The following CEP162 variants were observed in gnomAD, a reference collection of about 807,000 sequenced individuals.
CEP162 encodes the protein centrosomal protein 162.
In CEP162, 141 loss-of-function variants were observed where a neutral mutation model predicts 169.2. The observed-to-expected ratio is 0.83, with a 90% confidence interval of 0.73 to 0.96. CEP162 has a LOEUF of 0.96. Ranked by LOEUF, CEP162 falls within the 40% of genes least tolerant of loss-of-function variation. CEP162 has a pLI of 0.00. For synonymous variants in CEP162, 540 were observed against 526.4 expected (o/e 1.03, Z -0.35); for missense variants, 1,600 against 1,587.2 (o/e 1.01, Z -0.14).
Position 84,161,848 on chromosome 6 carries a change from C to T in CEP162, c.2574G>A (p.Leu858=). ...CAGCATACCACTGTAATCTTTTTTG[C>T]AGACGACTGATTTCTTGTTTATGTG... The part of the protein sequence containing the change: ...EETHKQEISR[L]QKRLQWYAEN... Residue 858 remains leucine, a synonymous_variant, in exon 20 of 27, where the codon CTG becomes CTA. Coordinates refer to ENST00000403245, the MANE Select transcript of CEP162 (RefSeq NM_014895.4). 6.3e-7 allele frequency: 1 copy of T among 1,586,868 alleles called. No individual in the cohort carries two copies. Among genetic ancestry groups the T allele is most frequent in the Non-Finnish European group, 8.6e-7 (1 of 1,162,158 alleles).
intron 3 of CEP162, among the ~76,000 whole-genome samples, chr6:84,220,526 G>A (rs1359353238): frequency 6.6e-6 from 1 of 152,180 alleles, no homozygotes; most frequent in Non-Finnish European, 1.5e-5. Flanking sequence ...TCAGAAAGCC[G>A]AGGTGGGAAG....
chr6:84,157,464 G>C (rs2099523682), intron 21 of CEP162, among the ~76,000 whole-genome samples: 1 of 152,114 alleles, frequency 6.6e-6, no homozygotes, highest in African/African-American at 2.4e-5. Flanking sequence ...TTGAGGTCAG[G>C]AGTTCCAGAC....
intron 2 of CEP162, among the ~76,000 whole-genome samples, chr6:84,225,918 A>G (rs952548990): frequency 3.3e-5 from 5 of 152,192 alleles, no homozygotes; most frequent in African/African-American, 1.2e-4. Flanking sequence ...TGAGCTTGCA[A>G]TGTCTGGGAA....
rs117914964 is a variant in CEP162 at position 84,136,231 on chromosome 6, G to A, written c.3871-9719C>T. Among the ~76,000 whole-genome samples, 3 of 151,502 alleles carry A rather than the reference G, an allele frequency of 2.0e-5. No homozygotes were observed. In the East Asian group the frequency reaches 5.8e-4, roughly 29 times the overall value. On this transcript the variant is annotated intron_variant, in intron 25 of 26. Coordinates refer to ENST00000403245, the MANE Select transcript of CEP162 (RefSeq NM_014895.4). Reference sequence around the variant, plus strand: ...TTTTCTTGGCAGTGATTGGTTTAGAGGTGGGCACATGTCTTAGTCTGTTTT... The same window carrying A: ...TTTTCTTGGCAGTGATTGGTTTAGAAGTGGGCACATGTCTTAGTCTGTTTT...
At chr6:84,226,255 CTG>C (rs1192443723) in intron 2 of CEP162, 80 bp downstream of exon 2, 2 of 924,492 alleles carry the variant, frequency 2.2e-6, no homozygotes, top group African/African-American at 3.3e-5. Context: ...GATGGACTAA[CTG>C]TATCTTCGAG....
At chr6:84,219,578 A>G (rs2099552872) in intron 3 of CEP162, among the ~76,000 whole-genome samples, 1 of 152,236 alleles carries the variant, frequency 6.6e-6, no homozygotes, top group Non-Finnish European at 1.5e-5. Context: ...AAGCATTAAA[A>G]GCAGGGAGAG....
chr6:84,145,400 T>C (rs2099518393), intron 25 of CEP162, among the ~76,000 whole-genome samples: 1 of 152,148 alleles, frequency 6.6e-6, no homozygotes, highest in Non-Finnish European at 1.5e-5. Context: ...TGCTGCACTT[T>C]TTATGCAAAT....
rs1037545770 is a variant in CEP162, at chr6:84,153,607, T to C, written c.2995-428A>G. Among the ~76,000 whole-genome samples, 5 of 152,206 alleles carry C rather than the reference T, an allele frequency of 3.3e-5. No individual in the cohort carries two copies. The East Asian group carries it at 9.6e-4, about 29-fold the overall frequency. ...CAACCTTCTAACATCAATTTATTAC[T>C]TTCATAGAGAGTAAAATGGCCTGGA... On this transcript the variant is annotated intron_variant, in intron 22 of 26. Transcript: ENST00000403245.
At chr6:84,156,523 TC>T (rs2099523240) in intron 21 of CEP162, among the ~76,000 whole-genome samples, 1 of 152,038 alleles carries the variant, frequency 6.6e-6, no homozygotes, top group East Asian at 1.9e-4. Flanking sequence ...TGAGGTACCA[TC>T]TTACTCCAGT....
At chr6:84,206,144 C>G (rs908297439) in intron 6 of CEP162, among the ~76,000 whole-genome samples, 3 of 149,156 alleles carry the variant, frequency 2.0e-5, no homozygotes, top group African/African-American at 7.8e-5. Flanking sequence ...GCCATACTGC[C>G]CAAGGTAATT....
intron 3 of CEP162, among the ~76,000 whole-genome samples, chr6:84,218,200 G>C (rs1390793396): frequency 6.6e-6 from 1 of 152,220 alleles, no homozygotes; most frequent in African/African-American, 2.4e-5. Context: ...AGGTGAACTA[G>C]GCCAGGGAGA....
Position 84,125,140 on chromosome 6 carries a change from C to T in CEP162, c.4142G>A (p.Arg1381Gln), listed in dbSNP as rs750348744. The change falls in exon 27 of 27, where the codon CGA (arginine) becomes CAA (glutamine). Residue 1381 changes from arginine to glutamine, a missense_variant. Coordinates refer to ENST00000403245, the MANE Select transcript of CEP162 (RefSeq NM_014895.4). ...TELDSILDVL[R>Q]ELHRQGVVVP... Reference sequence around the variant, plus strand: ...AACCACTCCTTGCCGGTGCAGCTCTCGGAGAACATCTAATATTGAGTCTAG... The same window carrying T: ...AACCACTCCTTGCCGGTGCAGCTCTTGGAGAACATCTAATATTGAGTCTAG... The T allele has an allele frequency of 6.2e-6, 10 of 1,613,426 alleles. No individual in the cohort carries two copies. The highest frequency in any genetic ancestry group is 4.0e-5 in the African/African-American group (3 of 74,906).
intron 9 of CEP162, among the ~76,000 whole-genome samples, chr6:84,196,743 T>C (rs191825034): frequency 6.6e-6 from 1 of 152,176 alleles, no homozygotes; most frequent in African/African-American, 2.4e-5. Context: ...GTTGTGTATA[T>C]ACACAACTTC....
chr6:84,152,819 G>A lies in CEP162; in HGVS notation c.3355C>T (p.Leu1119=). 1 of 1,613,590 alleles carries A rather than the reference G, an allele frequency of 6.2e-7. No homozygotes were observed. The change falls in exon 23 of 27, where the codon CTA becomes TTA. Residue 1119 remains leucine, a synonymous_variant. Transcript: ENST00000403245. The part of the protein sequence containing the change: ...ERLQKDRRMM[L]SNQNSKGREE... ...CTGCCCTTTGAGTTCTGATTTGATA[G>A]CATCATTCTTCTGTCTTTCTGAAGC...
intron 21 of CEP162, among the ~76,000 whole-genome samples, chr6:84,159,547 A>ATTTTTT (rs1166267578): frequency 1.9e-4 from 6 of 31,952 alleles, no homozygotes; most frequent in Admixed American, 6.1e-4. Flanking sequence ...ATATATATAT[A>ATTTTTT]TTTTTTTTTT....
intron 11 of CEP162, among the ~76,000 whole-genome samples, chr6:84,192,176 A>G (rs566645661): frequency 1.3e-5 from 2 of 152,224 alleles, no homozygotes; most frequent in Admixed American, 6.5e-5. Flanking sequence ...GGATTATGTT[A>G]TAGCAGCTAG....
intron 24 of CEP162, among the ~76,000 whole-genome samples, chr6:84,149,023 C>T (rs944665131): frequency 6.6e-6 from 1 of 152,118 alleles, no homozygotes. Context: ...GATGAGTTGG[C>T]AGCATTCCCT....
intron 6 of CEP162, among the ~76,000 whole-genome samples, chr6:84,210,797 T>C (rs1349564028): frequency 1.3e-5 from 2 of 152,134 alleles, no homozygotes; most frequent in African/African-American, 2.4e-5. Flanking sequence ...TCTGCTTAAG[T>C]GGAGAGACCT....
chr6:84,141,683 A>G (rs905113835), intron 25 of CEP162, among the ~76,000 whole-genome samples: 4 of 152,140 alleles, frequency 2.6e-5, no homozygotes, highest in Non-Finnish European at 5.9e-5. Flanking sequence ...GCCGGGGTGT[A>G]TAGGTTACTT....
Sources: allele counts gnomAD v4.1 joint callset (sites outside exome capture counted in the v4.1 genomes callset), GRCh38; gene constraint gnomAD v4.1.1; transcripts MANE v1.5; gene names NCBI Gene and HGNC (gene_info 2026-07-23, HGNC 2026-07-21).